The following CCND2 variants were observed in gnomAD, a reference collection of about 807,000 sequenced individuals.
CCND2 encodes cyclin D2, also known as G1/S-specific cyclin-D2.
CCND2 carries 6 observed loss-of-function variants against 30.2 expected under a neutral mutation model. The observed-to-expected ratio is 0.20, with a 90% CI of 0.11 to 0.39. The LOEUF (loss-of-function observed/expected upper bound fraction) is 0.39. CCND2 is among the 10% of genes least tolerant of loss of function. The pLI is 1.00. For synonymous variants in CCND2, 150 were observed against 153.1 expected, an observed-to-expected ratio of 0.98 and a Z score of 0.15; for missense variants, 235 against 373.4, an observed-to-expected ratio of 0.63 and a Z score of 3.06.
chr12:4,273,837 G>A lies in CCND2; in HGVS notation c.-204G>A, dbSNP rs1476878242. On this transcript the variant is annotated 5_prime_UTR_variant, in exon 1 of 5. Transcript: ENST00000261254. The surrounding 1 kb of genome is among the most constrained non-coding windows in gnomAD (Gnocchi z 5.9). ...ACCGGTGCGAGTGAGGCAGCCCCGA[G>A]GCTCTGCTCGCCCACCACCCAATCC... is the stretch of plus-strand genomic sequence containing the variant. The A allele has an allele frequency of 1.7e-6, 1 of 604,948 alleles. No individual in the cohort carries two copies. The highest frequency in any genetic ancestry group is 2.9e-6 in the Non-Finnish European group (1 of 342,618). The allele number at this position is 604,948 out of a possible 1,614,324, so 37.5% of individuals were successfully genotyped here. A position where few individuals can be genotyped will look rare whatever the true frequency, so the allele number is the denominator to read the frequency against.
chr12:4,299,696 GTGA>G lies in CCND2; in HGVS notation c.721-163_721-161del. ...CAGCCCATGGACCCCACCTGGAGTA[GTGA>G]GGTTCCTTGGCACTTTAAGAACATC... On this transcript the variant is annotated intron_variant, in intron 4 of 4. Transcript: ENST00000261254. This position sits in a 1 kb window ranked among gnomAD's most constrained non-coding sequence, Gnocchi z 5.2. 6.6e-6 allele frequency among the ~76,000 whole-genome samples: 1 copy of G among 152,214 alleles called. No individual in the cohort carries two copies. The highest frequency in any genetic ancestry group is 1.5e-5 in the Non-Finnish European group (1 of 68,036).
In CCND2 at chr12:4,273,981, A is replaced by T; in HGVS notation, c.-60A>T. On this transcript the variant is annotated 5_prime_UTR_variant, in exon 1 of 5. Coordinates refer to ENST00000261254, the MANE Select transcript of CCND2 (RefSeq NM_001759.4). The surrounding 1 kb of genome is among the most constrained non-coding windows in gnomAD (Gnocchi z 5.9). ...TCCCCTCCCCTTCCAAAAAACAAAAACAGAAAAACCTTTTTCCAGGCCGGG... is the reference window on the plus strand; with the variant it reads ...TCCCCTCCCCTTCCAAAAAACAAAATCAGAAAAACCTTTTTCCAGGCCGGG... 6.5e-7 allele frequency: 1 copy of T among 1,536,466 alleles called. No individual in the cohort carries two copies. The highest frequency in any genetic ancestry group is 8.8e-7 in the Non-Finnish European group (1 of 1,135,984).
chr12:4,291,927 A>G (rs1306765831), intron 4 of CCND2, among the ~76,000 whole-genome samples: 1 of 152,166 alleles, frequency 6.6e-6, no homozygotes, highest in Admixed American at 6.5e-5. Flanking sequence ...AGAAAGTAGA[A>G]TAGAGGTTCC....
chr12:4,295,210 A>G (rs3217898), intron 4 of CCND2, among the ~76,000 whole-genome samples: 45,213 of 152,238 alleles, frequency 0.3, 7,451 homozygotes, highest in Middle Eastern at 0.49. Context: ...AGTAGCGTTC[A>G]ACATCATTTA....
rs778449426 is a variant in CCND2 at position 4,274,341 on chromosome 12, C to T, written c.195+106C>T. On this transcript the variant is annotated intron_variant, in intron 1 of 4. Coordinates refer to ENST00000261254, the MANE Select transcript of CCND2 (RefSeq NM_001759.4). The surrounding 1 kb of genome is among the most constrained non-coding windows in gnomAD (Gnocchi z 7.7). Reference sequence around the variant, plus strand: ...GAGGGCAATCCCCGCGCCGGCCTCCCGGCTCCTGTGCGGGAGTTTACCGCG... The same window carrying T: ...GAGGGCAATCCCCGCGCCGGCCTCCTGGCTCCTGTGCGGGAGTTTACCGCG... The T allele has an allele frequency of 1.3e-5, 16 of 1,245,506 alleles. No individual in the cohort carries two copies. Among genetic ancestry groups the T allele is most frequent in the Non-Finnish European group, 1.8e-5 (16 of 877,606 alleles). 77.2% of individuals were successfully genotyped at this position (1,245,506 alleles called of 1,614,324 possible). A position where few individuals can be genotyped will look rare whatever the true frequency, so the allele number is the denominator to read the frequency against.
chr12:4,284,810 A>G (rs1045661333), intron 3 of CCND2, among the ~76,000 whole-genome samples: 2 of 143,396 alleles, frequency 1.4e-5, no homozygotes, highest in African/African-American at 5.3e-5. Flanking sequence ...ATCTCTGCTC[A>G]CTGCAACCTC....
Position 4,285,942 on chromosome 12 carries a change from C to G in CCND2, c.572-2900C>G, listed in dbSNP as rs1258504055. 6.6e-6 allele frequency among the ~76,000 whole-genome samples: 1 copy of G among 152,162 alleles called. No homozygotes were observed. The highest frequency in any genetic ancestry group is 1.5e-5 in the Non-Finnish European group (1 of 68,016). On this transcript the variant is annotated intron_variant, in intron 3 of 4. Coordinates refer to ENST00000261254, the MANE Select transcript of CCND2 (RefSeq NM_001759.4). This position sits in a 1 kb window ranked among gnomAD's most constrained non-coding sequence, Gnocchi z 4.1. ...TTTGCCGGCTGGTAGACACCGTGAT[C>G]CATTCTATTGTCTCCTCATTGTTCT...
At position 4,287,425 on chromosome 12, in the gene CCND2, G is replaced by A. The variant is rs986890980; in HGVS notation, c.572-1417G>A. Among the ~76,000 whole-genome samples the A allele has an allele frequency of 5.3e-5, 8 of 152,196 alleles. No homozygotes were observed. Among genetic ancestry groups the A allele is most frequent in the African/African-American group, 1.9e-4 (8 of 41,420 alleles). On this transcript the variant is annotated intron_variant, in intron 3 of 4. Transcript: ENST00000261254. The surrounding 1 kb of genome is among the most constrained non-coding windows in gnomAD (Gnocchi z 4.0). ...TAGATTTAACCTGATTGTTTTTGCTGTAAGTTGAAGGGTGACCCACGGTTC... is the reference window on the plus strand; with the variant it reads ...TAGATTTAACCTGATTGTTTTTGCTATAAGTTGAAGGGTGACCCACGGTTC...
Position 4,302,854 on chromosome 12 carries a change from G to A in CCND2, c.*2845G>A. 1 of 233,274 alleles carries A rather than the reference G, an allele frequency of 4.3e-6. No individual in the cohort carries two copies. The highest frequency in any genetic ancestry group is 1.3e-3 in the Middle Eastern group (1 of 788). The allele number at this position is 233,274 out of a possible 1,614,324, so 14.5% of individuals were successfully genotyped here. Reference sequence around the variant, plus strand: ...CTAAAATTCTAGGGGATTTCTGGTGGGACAATGGGTGGTGAATTCTGAAGT... The same window carrying A: ...CTAAAATTCTAGGGGATTTCTGGTGAGACAATGGGTGGTGAATTCTGAAGT... On this transcript the variant is annotated 3_prime_UTR_variant, in exon 5 of 5. Coordinates refer to ENST00000261254, the MANE Select transcript of CCND2 (RefSeq NM_001759.4).
chr12:4,275,519 G>A, intron 1 of CCND2: 1 of 115,174 alleles, frequency 8.7e-6, no homozygotes, highest in Non-Finnish European at 1.7e-5. Flanking sequence ...GCGGCCCCTG[G>A]GCCGCAGGGA....
intron 3 of CCND2, among the ~76,000 whole-genome samples, chr12:4,286,518 CCGTCCTCGTCTCCAGCGG>C (rs1362862792): frequency 6.6e-6 from 1 of 152,210 alleles, no homozygotes; most frequent in Non-Finnish European, 1.5e-5. Flanking sequence ...AGCACGGCCG[CCGTCCTCGTCTCCAGCGG>C]CGTCTCTCCT....
chr12:4,279,619 A>C (rs540146036), intron 3 of CCND2, among the ~76,000 whole-genome samples: 2 of 144,126 alleles, frequency 1.4e-5, no homozygotes, highest in South Asian at 5.1e-4. Flanking sequence ...CAATTGATAC[A>C]TCATTCCTAC....
chr12:4,305,256 A>G lies in CCND2; in HGVS notation c.*5247A>G, dbSNP rs1484702582. ...TCAGTGTTAAGTGATTTAAAAAAAT[A>G]ATAACCTGTTTTCTGACTAGTTTAA... is the stretch of plus-strand genomic sequence containing the variant. On this transcript the variant is annotated 3_prime_UTR_variant, in exon 5 of 5. Transcript: ENST00000261254. This position sits in a 1 kb window ranked among gnomAD's most constrained non-coding sequence, Gnocchi z 6.4. The G allele has an allele frequency of 4.3e-6, 1 of 231,994 alleles. No homozygotes were observed. Among genetic ancestry groups the G allele is most frequent in the Non-Finnish European group, 8.5e-6 (1 of 117,272 alleles). 14.4% of individuals were successfully genotyped at this position (231,994 alleles called of 1,614,324 possible).
rs770583513 is a variant in CCND2, at chr12:4,275,974, G to A, written c.196-31G>A. 2.1e-5 allele frequency: 11 copies of A among 514,116 alleles called. No individual in the cohort carries two copies. In the South Asian group the frequency reaches 2.2e-4, roughly 10 times the overall value. The allele number at this position is 514,116 out of a possible 1,614,324, so 31.8% of individuals were successfully genotyped here. ...TGCTGATGCTATGCTCTCCACCCCC[G>A]CCCCCCAACCCTTTCCCACTCCCAT... On this transcript the variant is annotated intron_variant, in intron 1 of 4. Coordinates refer to ENST00000261254, the MANE Select transcript of CCND2 (RefSeq NM_001759.4).
chr12:4,283,710 C>A (rs1863983509), intron 3 of CCND2, among the ~76,000 whole-genome samples: 2 of 152,222 alleles, frequency 1.3e-5, no homozygotes, highest in Admixed American at 6.5e-5. Flanking sequence ...TCCTTTGCCT[C>A]CACCATTTTG....
intron 4 of CCND2, chr12:4,298,087 C>T (rs1864199446): frequency 4.9e-6 from 1 of 202,640 alleles, no homozygotes; most frequent in African/African-American, 2.3e-5. Context: ...TTATTGAGCT[C>T]CACTTAGCAC....
rs1195772026 is a variant in CCND2 at position 4,299,690 on chromosome 12, G to A, written c.721-170G>A. 6.6e-6 allele frequency among the ~76,000 whole-genome samples: 1 copy of A among 152,148 alleles called. No individual in the cohort carries two copies. The highest frequency in any genetic ancestry group is 1.5e-5 in the Non-Finnish European group (1 of 68,020). On this transcript the variant is annotated intron_variant, in intron 4 of 4. Coordinates refer to ENST00000261254, the MANE Select transcript of CCND2 (RefSeq NM_001759.4). The surrounding 1 kb of genome is among the most constrained non-coding windows in gnomAD (Gnocchi z 5.2). The stretch of plus-strand genomic sequence containing the variant: ...TGCTGCCAGCCCATGGACCCCACCT[G>A]GAGTAGTGAGGTTCCTTGGCACTTT...
chr12:4,279,187 T>C (rs979091776), intron 3 of CCND2, among the ~76,000 whole-genome samples: 2 of 152,230 alleles, frequency 1.3e-5, no homozygotes, highest in African/African-American at 2.4e-5. Context: ...TAAAATATTC[T>C]TTATGATGGC....
Position 4,275,925 on chromosome 12 carries a change from C to T in CCND2, c.196-80C>T. The T allele has an allele frequency of 3.3e-6, 3 of 905,464 alleles. No individual in the cohort carries two copies. In the South Asian group the frequency reaches 5.6e-5, roughly 17 times the overall value. The allele number at this position is 905,464 out of a possible 1,614,324, so 56.1% of individuals were successfully genotyped here. On this transcript the variant is annotated intron_variant, in intron 1 of 4. Coordinates refer to ENST00000261254, the MANE Select transcript of CCND2 (RefSeq NM_001759.4). Reference sequence around the variant, plus strand: ...TAATTTTTTTTGTTTCGATAGATTACGCTTTTTTATTCTTTTTCTCTTTTG... The same window carrying T: ...TAATTTTTTTTGTTTCGATAGATTATGCTTTTTTATTCTTTTTCTCTTTTG...
Sources: allele counts gnomAD v4.1 joint callset (sites outside exome capture counted in the v4.1 genomes callset), GRCh38; gene constraint gnomAD v4.1.1; non-coding constraint Gnocchi (gnomAD v3.1); transcripts MANE v1.5; gene names NCBI Gene and HGNC (gene_info 2026-07-23, HGNC 2026-07-21).